The following ACOX3 variants were observed in gnomAD, a reference collection of about 807,000 sequenced individuals.
The protein encoded by ACOX3 is acyl-CoA oxidase 3, pristanoyl, also known as peroxisomal acyl-coenzyme A oxidase 3.
ACOX3 carries 73 observed loss-of-function variants against 81.5 expected under a neutral mutation model. That is an observed-to-expected ratio of 0.90 (90% CI 0.74 to 1.09). The LOEUF is 1.09. Ranked by LOEUF, ACOX3 falls within the 50% of genes least tolerant of loss-of-function variation. ACOX3 has a pLI of 0.00. For missense variants in ACOX3, 947 were observed against 928.0 expected, an observed-to-expected ratio of 1.02 and a Z score of -0.27; for synonymous variants, 387 against 375.1, an observed-to-expected ratio of 1.03 and a Z score of -0.37.
chr4:8,393,195 A>C (rs932691073), intron 10 of ACOX3: 1 of 151,584 alleles, frequency 6.6e-6, no homozygotes, highest in African/African-American at 2.4e-5. Context: ...ATGAAAACTT[A>C]AGAGGCTGGG....
At position 8,406,554 on chromosome 4, in the gene ACOX3, C is replaced by T. The variant is rs551765558; in HGVS notation, c.688-511G>A. ...AAGACACGGAGACCGGTAGTGGCCC[C>T]GAAGGCCAGGCTGCACTGATACTTA... is the stretch of plus-strand genomic sequence containing the variant. On this transcript the variant is annotated intron_variant, in intron 6 of 17. Transcript: ENST00000356406. This position sits in a 1 kb window ranked among gnomAD's most constrained non-coding sequence, Gnocchi z 5.6. Among the ~76,000 whole-genome samples, 3 of 152,086 alleles carry T rather than the reference C, an allele frequency of 2.0e-5. No individual in the cohort carries two copies. The highest frequency in any genetic ancestry group is 4.8e-5 in the African/African-American group (2 of 41,474).
At chr4:8,421,317 C>A (rs1191619884) in intron 1 of ACOX3, among the ~76,000 whole-genome samples, 1 of 152,258 alleles carries the variant, frequency 6.6e-6, no homozygotes, top group Non-Finnish European at 1.5e-5. Context: ...GGCTTTCTAA[C>A]AATCCCCAAC....
intron 16 of ACOX3, 90 bp from the exon 17 acceptor site, chr4:8,371,084 C>T (rs1181139391): frequency 8.1e-7 from 1 of 1,229,724 alleles, no homozygotes; most frequent in Non-Finnish European, 1.2e-6. Context: ...GTTGCCAGGA[C>T]CCACTAGCAA....
At chr4:8,411,682 G>A (rs2108962031) in intron 5 of ACOX3, among the ~76,000 whole-genome samples, 1 of 152,328 alleles carries the variant, frequency 6.6e-6, no homozygotes, top group African/African-American at 2.4e-5. Flanking sequence ...CGACTGTCTG[G>A]CTGCCTCCCT....
rs1015975637 is a variant in ACOX3 at position 8,419,297 on chromosome 4, A to C, written c.-14-2762T>G. 3.9e-5 allele frequency among the ~76,000 whole-genome samples: 6 copies of C among 152,006 alleles called. No individual in the cohort carries two copies. Among genetic ancestry groups the C allele is most frequent in the African/African-American group, 1.4e-4 (6 of 41,394 alleles). On this transcript the variant is annotated intron_variant, in intron 1 of 17. Coordinates refer to ENST00000356406, the MANE Select transcript of ACOX3 (RefSeq NM_003501.3). This position sits in a 1 kb window ranked among gnomAD's most constrained non-coding sequence, Gnocchi z 4.2. ...AAAAATACAAAAAAATTAGCCGGGC[A>C]TGGTGGCAGGTGCCTATAGTCCCAG...
rs992295758 is a variant in ACOX3 at position 8,389,961 on chromosome 4, G to A, written c.1301-227C>T. Among the ~76,000 whole-genome samples, 36 of 152,136 alleles carry A rather than the reference G, an allele frequency of 2.4e-4. No individual in the cohort carries two copies. The highest frequency in any genetic ancestry group is 8.4e-4 in the African/African-American group (35 of 41,470). On this transcript the variant is annotated intron_variant, in intron 11 of 17. Coordinates refer to ENST00000356406, the MANE Select transcript of ACOX3 (RefSeq NM_003501.3). This position sits in a 1 kb window ranked among gnomAD's most constrained non-coding sequence, Gnocchi z 5.3. ...TCTACTAAAAATACAAAAATAGCCA[G>A]GTGTGGTGGTGTGTGCCTGTAATCT...
intron 6 of ACOX3, among the ~76,000 whole-genome samples, chr4:8,409,815 T>C (rs1721503295): frequency 6.6e-6 from 1 of 150,566 alleles, no homozygotes; most frequent in East Asian, 2.0e-4. Flanking sequence ...GTCTGTGCAC[T>C]GTGGGCAGGA....
At chr4:8,424,442 C>G (rs182948604) in intron 1 of ACOX3, among the ~76,000 whole-genome samples, 55 of 152,328 alleles carry the variant, frequency 3.6e-4, no homozygotes, top group African/African-American at 1.3e-3. Flanking sequence ...AGGTTGCAAC[C>G]CATGGCATAC....
intron 1 of ACOX3, among the ~76,000 whole-genome samples, chr4:8,424,697 C>T (rs1452958815): frequency 6.6e-6 from 1 of 152,226 alleles, no homozygotes; most frequent in Non-Finnish European, 1.5e-5. Context: ...CGCACTCGTG[C>T]AACTCTTAAT....
At chr4:8,364,272 C>A (rs1380930892), downstream of ACOX3, among the ~76,000 whole-genome samples, 1 of 152,230 alleles carries the variant, frequency 6.6e-6, no homozygotes, top group Admixed American at 6.5e-5. This position sits in a 1 kb window ranked among gnomAD's most constrained non-coding sequence, Gnocchi z 5.0. Flanking sequence ...CAGCTATTCT[C>A]AGGACCTCCC....
chr4:8,378,155 C>T (rs779039042), intron 14 of ACOX3, among the ~76,000 whole-genome samples: 7 of 152,204 alleles, frequency 4.6e-5, no homozygotes, highest in Non-Finnish European at 1.0e-4. Flanking sequence ...TGGTGAAGTA[C>T]ATTTTAAGAG....
rs1578973144 is a variant in ACOX3, at chr4:8,416,322, A to T, written c.144+56T>A. On this transcript the variant is annotated intron_variant, in intron 2 of 17. Coordinates refer to ENST00000356406, the MANE Select transcript of ACOX3 (RefSeq NM_003501.3). This position sits in a 1 kb window ranked among gnomAD's most constrained non-coding sequence, Gnocchi z 4.2. ...GAGAGCCAGAAATCCCATTCTGCTA[A>T]CGAACTAAGACCCCACTGGGAAAAA... is the stretch of plus-strand genomic sequence containing the variant. 1 of 1,612,864 alleles carries T rather than the reference A, an allele frequency of 6.2e-7. No individual in the cohort carries two copies. Among genetic ancestry groups the T allele is most frequent in the East Asian group, 2.2e-5 (1 of 44,878 alleles).
In ACOX3 at chr4:8,397,989, C is replaced by T. The variant is rs543263446; in HGVS notation, c.874-870G>A. ...CAGCCTGGCCAACATGGTGAAACAC[C>T]GTCTCTACTAAAAGTACGCAAATTA... On this transcript the variant is annotated intron_variant, in intron 8 of 17. Coordinates refer to ENST00000356406, the MANE Select transcript of ACOX3 (RefSeq NM_003501.3). Among the ~76,000 whole-genome samples, 220 of 152,266 alleles carry T rather than the reference C, an allele frequency of 1.4e-3. 1 individual carries two copies. The highest frequency in any genetic ancestry group is 5.0e-3 in the African/African-American group (207 of 41,546).
In ACOX3 at chr4:8,407,778, C is replaced by A. The variant is rs940626620; in HGVS notation, c.688-1735G>T. ...TACAGGTCCAGCCAGCTAATGGCTGCGCACTGTGGGAACTCGACGGAAGGA... is the reference window on the plus strand; with the variant it reads ...TACAGGTCCAGCCAGCTAATGGCTGAGCACTGTGGGAACTCGACGGAAGGA... On this transcript the variant is annotated intron_variant, in intron 6 of 17. Coordinates refer to ENST00000356406, the MANE Select transcript of ACOX3 (RefSeq NM_003501.3). This position sits in a 1 kb window ranked among gnomAD's most constrained non-coding sequence, Gnocchi z 4.6. 6.6e-6 allele frequency among the ~76,000 whole-genome samples: 1 copy of A among 152,216 alleles called. No individual in the cohort carries two copies. The highest frequency in any genetic ancestry group is 1.5e-5 in the Non-Finnish European group (1 of 68,042).
intron 17 of ACOX3, among the ~76,000 whole-genome samples, chr4:8,367,627 A>G (rs954381935): frequency 2.6e-5 from 4 of 151,558 alleles, no homozygotes; most frequent in Admixed American, 6.6e-5. Flanking sequence ...TTCAATTATA[A>G]AGTACTATAA....
downstream of ACOX3, among the ~76,000 whole-genome samples, chr4:8,365,438 A>G (rs905289658): frequency 1.3e-5 from 2 of 152,186 alleles, no homozygotes; most frequent in Non-Finnish European, 2.9e-5. Flanking sequence ...TCGAGTGACA[A>G]TGGATACCAG....
At chr4:8,427,920 C>T (rs1313461896) in intron 1 of ACOX3, among the ~76,000 whole-genome samples, 1 of 152,188 alleles carries the variant, frequency 6.6e-6, no homozygotes, top group Non-Finnish European at 1.5e-5. Context: ...CCAGGGTCTA[C>T]TGTCTGAGGC....
At chr4:8,415,258 G>A (rs1430128695) in intron 3 of ACOX3, among the ~76,000 whole-genome samples, 1 of 152,214 alleles carries the variant, frequency 6.6e-6, no homozygotes, top group East Asian at 1.9e-4. Context: ...TCTGAGGACA[G>A]CAGGGAGAGC....
At chr4:8,360,113 T>C in the ACOX3 span, among the ~76,000 whole-genome samples, 1 of 152,242 alleles carries the variant, frequency 6.6e-6, no homozygotes, top group Non-Finnish European at 1.5e-5. Flanking sequence ...CTTGACCTTG[T>C]AACCATGTGG....
Sources: allele counts gnomAD v4.1 joint callset (sites outside exome capture counted in the v4.1 genomes callset), GRCh38; gene constraint gnomAD v4.1.1; non-coding constraint Gnocchi (gnomAD v3.1); transcripts MANE v1.5; gene names NCBI Gene and HGNC (gene_info 2026-07-23, HGNC 2026-07-21).